The following KAZN variants were observed in gnomAD, a reference collection of about 807,000 sequenced individuals.
KAZN encodes kazrin, periplakin interacting protein, also known as kazrin.
In KAZN, 40 loss-of-function variants were observed where a neutral mutation model predicts 87.4. That is an observed-to-expected ratio of 0.46 (90% CI 0.36 to 0.60). The LOEUF (loss-of-function observed/expected upper bound fraction) is 0.60. Ranked by LOEUF, KAZN falls within the 20% of genes least tolerant of loss-of-function variation. KAZN has a pLI of 0.00. For missense variants in KAZN, 898 were observed against 1,073.9 expected, an observed-to-expected ratio of 0.84 and a Z score of 2.29; for synonymous variants, 466 against 458.3, an observed-to-expected ratio of 1.02 and a Z score of -0.22.
At chr1:14,640,818 C>T (rs10803292) in intron 1 of KAZN, among the ~76,000 whole-genome samples, 27,282 of 152,168 alleles carry the variant, frequency 0.18, 2,634 homozygotes, top group South Asian at 0.28. Context: ...CAGCTTAACT[C>T]CTCTTCTTGC....
chr1:14,648,817 C>A (rs116688900), intron 1 of KAZN, among the ~76,000 whole-genome samples: 74 of 152,282 alleles, frequency 4.9e-4, no homozygotes, highest in African/African-American at 1.6e-3. Flanking sequence ...CCATTGGGAA[C>A]CAGCCCCTCC....
chr1:14,883,338 GAGAGAA>G lies in KAZN; in HGVS notation c.227-77342_227-77337del, dbSNP rs1227023518. Among the ~76,000 whole-genome samples the G allele has an allele frequency of 3.9e-4, 12 of 30,848 alleles. 1 individual carries two copies. Among genetic ancestry groups the G allele is most frequent in the Non-Finnish European group, 8.1e-4 (11 of 13,514 alleles). The allele number at this position is 30,848 out of a possible 152,430, so 20.2% of individuals were successfully genotyped here. On this transcript the variant is annotated intron_variant, in intron 1 of 14. Transcript: ENST00000376030. Reference sequence around the variant, plus strand: ...AAAGAAAGAGAGAGAGAGAGAGAGAGAGAGAAAGAAAGAAAGAAAAGAAAGAAAGAA... The same window carrying G: ...AAAGAAAGAGAGAGAGAGAGAGAGAGAGAAAGAAAGAAAAGAAAGAAAGAA...
At chr1:14,190,610 G>A (rs1380186389) in intron 2 of KAZN, among the ~76,000 whole-genome samples, 2 of 152,078 alleles carry the variant, frequency 1.3e-5, no homozygotes, top group Non-Finnish European at 2.9e-5. Flanking sequence ...AGGGTGGGTC[G>A]CTTTAGAGAC....
At chr1:14,896,039 G>A (rs373541338) in intron 1 of KAZN, among the ~76,000 whole-genome samples, 276 of 124,950 alleles carry the variant, frequency 2.2e-3, no homozygotes, top group African/African-American at 8.5e-3. Flanking sequence ...TGAAAAAGAC[G>A]CCTTTTTTTT....
In KAZN at chr1:14,607,286, G is replaced by A. The variant is rs537306837; in HGVS notation, c.226+8063G>A. Among the ~76,000 whole-genome samples the A allele has an allele frequency of 3.5e-4, 53 of 152,272 alleles. No homozygotes were observed. The South Asian group carries it at 0.01, about 29-fold the overall frequency. ...AACCACCTTATGAGGTAAGTACAGT[G>A]TTTGTCATTTTACAGATGAGAAAGT... On this transcript the variant is annotated intron_variant, in intron 1 of 14. Coordinates refer to ENST00000376030, the MANE Select transcript of KAZN (RefSeq NM_201628.3).
At position 15,021,591 on chromosome 1, in the gene KAZN, TGGCTTCCA is replaced by T. The variant is rs143767151; in HGVS notation, c.419-13155_419-13148del. Among the ~76,000 whole-genome samples, 1,273 of 152,282 alleles carry T rather than the reference TGGCTTCCA, an allele frequency of 8.4e-3. 16 individuals carry two copies. Among genetic ancestry groups the T allele is most frequent in the African/African-American group, 0.029 (1,192 of 41,556 alleles). On this transcript the variant is annotated intron_variant, in intron 2 of 14. Transcript: ENST00000376030. The surrounding 1 kb of genome is among the most constrained non-coding windows in gnomAD (Gnocchi z 4.2). Reference sequence around the variant, plus strand: ...TGCTTCCCGGGGCCCTCCGCCCTCCTGGCTTCCAGGTGACCTCTGAGCTCTTCCAGGGG... The same window carrying T: ...TGCTTCCCGGGGCCCTCCGCCCTCCTGGTGACCTCTGAGCTCTTCCAGGGG...
At chr1:14,886,418 G>A (rs1654054292) in intron 1 of KAZN, among the ~76,000 whole-genome samples, 1 of 149,346 alleles carries the variant, frequency 6.7e-6, no homozygotes, top group African/African-American at 2.5e-5. Context: ...ATGAGGCCTT[G>A]TCTCTATACA....
chr1:14,598,931 C>T lies in KAZN; in HGVS notation c.-67C>T. On this transcript the variant is annotated 5_prime_UTR_variant, in exon 1 of 15. Coordinates refer to ENST00000376030, the MANE Select transcript of KAZN (RefSeq NM_201628.3). This position sits in a 1 kb window ranked among gnomAD's most constrained non-coding sequence, Gnocchi z 4.2. ...AACAGGTAGAGCCGGGGGTGCCCGG[C>T]CGCGCGCCCCCCGCGCATCATGCAG... 6.4e-7 allele frequency: 1 copy of T among 1,554,278 alleles called. No individual in the cohort carries two copies. The highest frequency in any genetic ancestry group is 1.4e-5 in the African/African-American group (1 of 70,432).
At chr1:14,607,743 T>A (rs2148614172) in intron 1 of KAZN, among the ~76,000 whole-genome samples, 1 of 152,208 alleles carries the variant, frequency 6.6e-6, no homozygotes, top group East Asian at 1.9e-4. Context: ...CTTTCCTACC[T>A]TTATGGGAAA....
chr1:13,998,875 G>A (rs1639649660), intron 1 of KAZN, among the ~76,000 whole-genome samples: 1 of 152,200 alleles, frequency 6.6e-6, no homozygotes, highest in Admixed American at 6.5e-5. Context: ...CCTTGTAGAT[G>A]TCTGCAGAAC....
intron 2 of KAZN, among the ~76,000 whole-genome samples, chr1:14,454,310 T>C (rs1471820131): frequency 6.6e-6 from 1 of 152,246 alleles, no homozygotes; most frequent in African/African-American, 2.4e-5. Flanking sequence ...TTACACACAT[T>C]CAACACCATT....
At chr1:14,111,253 C>G (rs1644494125) in intron 1 of KAZN, among the ~76,000 whole-genome samples, 1 of 134,382 alleles carries the variant, frequency 7.4e-6, no homozygotes. Context: ...GGCTGCAGTC[C>G]AGGATATGCC....
At chr1:14,331,086 A>G (rs759332534) in intron 2 of KAZN, among the ~76,000 whole-genome samples, 1 of 152,178 alleles carries the variant, frequency 6.6e-6, no homozygotes, top group Non-Finnish European at 1.5e-5. Flanking sequence ...GTGTGAGCAT[A>G]AGAGATAGGT....
Position 14,701,859 on chromosome 1 carries a change from T to A in KAZN, c.226+102636T>A, listed in dbSNP as rs1283297536. Among the ~76,000 whole-genome samples the A allele has an allele frequency of 2.6e-5, 4 of 152,286 alleles. No individual in the cohort carries two copies. In the East Asian group the frequency reaches 7.8e-4, roughly 30 times the overall value. On this transcript the variant is annotated intron_variant, in intron 1 of 14. Transcript: ENST00000376030. ...CTGCCCTTCCCTGACCGTCTCACAC[T>A]GGCTGCATTTCCTTACGCACTTCCC...
At chr1:13,957,660 G>A (rs759296147) in intron 1 of KAZN, among the ~76,000 whole-genome samples, 13 of 152,112 alleles carry the variant, frequency 8.5e-5, no homozygotes, top group Non-Finnish European at 1.6e-4. Context: ...AGAGATCGCC[G>A]GGTGAGAGAG....
chr1:14,480,640 A>ATTATG lies in KAZN; in HGVS notation c.250-118339_250-118338insGTTAT, dbSNP rs143523572. ...ATAAAAATATATGTATATATTATGT[A>ATTATG]TTATAATATATAATATTTATTTATA... is the stretch of plus-strand genomic sequence containing the variant. On this transcript the variant is annotated intron_variant, in intron 2 of 16. Transcript: ENST00000636203. Among the ~76,000 whole-genome samples the ATTATG allele has an allele frequency of 5.8e-3, 848 of 145,244 alleles. 8 individuals carry two copies. Among genetic ancestry groups the ATTATG allele is most frequent in the African/African-American group, 0.02 (812 of 40,114 alleles).
intron 2 of KAZN, among the ~76,000 whole-genome samples, chr1:14,487,779 G>C (rs1223165211): frequency 6.6e-6 from 1 of 152,202 alleles, no homozygotes; most frequent in Non-Finnish European, 1.5e-5. Context: ...TTTTTGAGGG[G>C]TGAGCCTGGA....
Position 14,230,864 on chromosome 1 carries a change from T to A in KAZN, c.249+50272T>A, listed in dbSNP as rs17394425. Among the ~76,000 whole-genome samples, 721 of 152,244 alleles carry A rather than the reference T, an allele frequency of 4.7e-3. 4 individuals are homozygous for A. The highest frequency in any genetic ancestry group is 7.5e-3 in the Non-Finnish European group (513 of 68,014). ...GTAGTCACGAGACAGTTCAGTTTAG[T>A]GTTAAGATCATAAATGATGGTCTCA... On this transcript the variant is annotated intron_variant, in intron 2 of 16. Transcript: ENST00000636203.
At chr1:14,834,456 G>A (rs951438260) in intron 1 of KAZN, among the ~76,000 whole-genome samples, 3 of 151,180 alleles carry the variant, frequency 2.0e-5, no homozygotes, top group African/African-American at 7.3e-5. Context: ...CCGCCTCTGG[G>A]GTTCACACCA....
Sources: gnomAD v4.1 joint callset for allele counts (sites outside exome capture counted in the v4.1 genomes callset) on GRCh38, gnomAD v4.1.1 for gene constraint, Gnocchi (gnomAD v3.1) non-coding constraint, MANE v1.5 for transcripts, NCBI Gene and HGNC (gene_info 2026-07-23, HGNC 2026-07-21) for gene names.